The following TNR variants were observed in gnomAD, a reference collection of about 807,000 sequenced individuals.
TNR encodes the protein tenascin-R.
TNR carries 45 observed loss-of-function variants against 150.4 expected under a neutral mutation model. The ratio of observed to expected loss-of-function variants is 0.30; its 90% CI spans 0.24 to 0.38. TNR has a LOEUF of 0.38. Among genes scored for constraint, TNR ranks in the 10% least tolerant of loss-of-function variants. The pLI, the probability that TNR is intolerant of heterozygous loss-of-function variation, is 1.00. For missense variants in TNR, 1,544 were observed against 1,759.1 expected (o/e 0.88, Z 2.19); for synonymous variants, 687 against 678.4 (o/e 1.01, Z -0.20).
At chr1:175,523,327 T>A (rs860900) in intron 2 of TNR, among the ~76,000 whole-genome samples, 11,427 of 152,290 alleles carry the variant, frequency 0.075, 1,083 homozygotes, top group African/African-American at 0.22. Context: ...TACACAATTA[T>A]GCAAATGATG....
chr1:175,378,011 G>C (rs1018393810), intron 9 of TNR, among the ~76,000 whole-genome samples: 1 of 152,092 alleles, frequency 6.6e-6, no homozygotes, highest in Non-Finnish European at 1.5e-5. Flanking sequence ...AGGGGACAGG[G>C]AACACTTCCC....
intron 1 of TNR, among the ~76,000 whole-genome samples, chr1:175,545,861 T>C (rs923207666): frequency 7.9e-5 from 12 of 152,274 alleles, no homozygotes; most frequent in Admixed American, 7.8e-4. Flanking sequence ...CAGAAAGATT[T>C]TGAGCTATAA....
Position 175,354,458 on chromosome 1 carries a change from G to A in TNR, c.3315C>T (p.Tyr1105=), listed in dbSNP as rs35460270. ...RLEGLLENTD[Y]TVLLQAAQDT... ...CCTGTGCTGCCTGCAGGAGCACCGT[G>A]TAGTCTGTGTTCTCCAACAGGCCCT... The change falls in exon 18 of 23, where the codon TAC becomes TAT. Residue 1105 remains tyrosine (Y), a synonymous_variant. Coordinates refer to ENST00000367674, the MANE Select transcript of TNR (RefSeq NM_003285.3). 2,099 of 1,614,114 alleles carry A rather than the reference G, an allele frequency of 1.3e-3. 31 individuals carry two copies. In the African/African-American group the frequency reaches 0.024, roughly 18 times the overall value.
Position 175,449,046 on chromosome 1 carries a change from C to T in TNR, c.-63-42269G>A, listed in dbSNP as rs148995707. ...AAGTATCAGCCTACCGGCATTGCCA[C>T]CTGCGGACACATTTACATGGTAATA... is the stretch of plus-strand genomic sequence containing the variant. On this transcript the variant is annotated intron_variant, in intron 2 of 22. Coordinates refer to ENST00000367674, the MANE Select transcript of TNR (RefSeq NM_003285.3). Among the ~76,000 whole-genome samples the T allele has an allele frequency of 4.5e-3, 678 of 152,304 alleles. 3 individuals are homozygous for T. The highest frequency in any genetic ancestry group is 7.4e-3 in the Non-Finnish European group (506 of 68,028).
chr1:175,650,477 A>G (rs1245920784), intron 1 of TNR, among the ~76,000 whole-genome samples: 2 of 151,902 alleles, frequency 1.3e-5, no homozygotes, highest in African/African-American at 2.4e-5. Context: ...TGAGACTTCA[A>G]TGCCTGTATT....
intron 1 of TNR, among the ~76,000 whole-genome samples, chr1:175,621,587 G>T (rs1336361069): frequency 1.3e-5 from 2 of 152,090 alleles, no homozygotes; most frequent in African/African-American, 4.8e-5. Context: ...TATCTCATAG[G>T]GTTGTTGTAT....
At chr1:175,701,722 T>C (rs570686375) in intron 1 of TNR, among the ~76,000 whole-genome samples, 11 of 152,296 alleles carry the variant, frequency 7.2e-5, no homozygotes, top group African/African-American at 2.6e-4. Flanking sequence ...AATTCCAGCA[T>C]TGGGTGAGAG....
chr1:175,718,040 G>A (rs1667200664), intron 1 of TNR, among the ~76,000 whole-genome samples: 1 of 152,204 alleles, frequency 6.6e-6, no homozygotes, highest in Non-Finnish European at 1.5e-5. Context: ...TACCAAAGAT[G>A]CCTACTGTCA....
At chr1:175,408,454 A>G (rs1181241175) in intron 2 of TNR, among the ~76,000 whole-genome samples, 1 of 152,232 alleles carries the variant, frequency 6.6e-6, no homozygotes, top group African/African-American at 2.4e-5. Flanking sequence ...ATTAGTGCCT[A>G]GTATAAAATC....
At chr1:175,419,575 G>A (rs1240996925) in intron 2 of TNR, among the ~76,000 whole-genome samples, 2 of 152,010 alleles carry the variant, frequency 1.3e-5, no homozygotes, top group African/African-American at 2.4e-5. Context: ...TCCGCCTCCC[G>A]GGTTCAAGCA....
chr1:175,405,090 C>A (rs1427586672), intron 3 of TNR, among the ~76,000 whole-genome samples: 1 of 152,162 alleles, frequency 6.6e-6, no homozygotes, highest in African/African-American at 2.4e-5. Context: ...ATCATGGATC[C>A]TATAGAGGTG....
intron 2 of TNR, among the ~76,000 whole-genome samples, chr1:175,419,351 G>T (rs1442692050): frequency 6.6e-6 from 1 of 152,140 alleles, no homozygotes; most frequent in African/African-American, 2.4e-5. Context: ...TTCTGACAGC[G>T]TAAGAATACA....
chr1:175,485,500 A>T (rs1181832313), intron 2 of TNR, among the ~76,000 whole-genome samples: 5 of 152,168 alleles, frequency 3.3e-5, no homozygotes, highest in African/African-American at 1.2e-4. Flanking sequence ...GAGAACTTAC[A>T]TCCAATTTCA....
intron 2 of TNR, among the ~76,000 whole-genome samples, chr1:175,417,698 T>C (rs1024621928): frequency 6.6e-6 from 1 of 152,150 alleles, no homozygotes; most frequent in Non-Finnish European, 1.5e-5. Flanking sequence ...TTAGGAATAG[T>C]CACCTTTGAA....
rs1398208971 is a variant in TNR at position 175,630,644 on chromosome 1, T to C, written c.-164-102275A>G. Among the ~76,000 whole-genome samples, 3 of 152,214 alleles carry C rather than the reference T, an allele frequency of 2.0e-5. No individual in the cohort carries two copies. The East Asian group carries it at 5.8e-4, about 29-fold the overall frequency. On this transcript the variant is annotated intron_variant, in intron 1 of 22. Coordinates refer to ENST00000367674, the MANE Select transcript of TNR (RefSeq NM_003285.3). Reference sequence around the variant, plus strand: ...GGAGGGTTTTGGCCTCTGTTTCAAATATACTTCTTCAGGTGTTTAGGAGAA... The same window carrying C: ...GGAGGGTTTTGGCCTCTGTTTCAAACATACTTCTTCAGGTGTTTAGGAGAA...
chr1:175,671,911 C>CTGTGTGTATGTG (rs376597060), intron 1 of TNR, among the ~76,000 whole-genome samples: 61 of 142,138 alleles, frequency 4.3e-4, no homozygotes, highest in Admixed American at 1.9e-3. Flanking sequence ...TGAGCTGTAC[C>CTGTGTGTATGTG]TGTGTGTGTG....
At chr1:175,373,503 C>T (rs961810675) in intron 9 of TNR, among the ~76,000 whole-genome samples, 1 of 152,136 alleles carries the variant, frequency 6.6e-6, no homozygotes, top group Admixed American at 6.6e-5. Context: ...AGGCCATCTC[C>T]CTGCTTTTTT....
chr1:175,710,260 C>T (rs992932987), intron 1 of TNR, among the ~76,000 whole-genome samples: 12 of 151,872 alleles, frequency 7.9e-5, no homozygotes, highest in Non-Finnish European at 1.3e-4. Flanking sequence ...ATGGGGAGTG[C>T]GTAGACATGG....
intron 18 of TNR, among the ~76,000 whole-genome samples, chr1:175,346,965 G>A (rs1650821188): frequency 6.6e-6 from 1 of 151,330 alleles, no homozygotes; most frequent in African/African-American, 2.4e-5. Flanking sequence ...TCTTTTTAGA[G>A]TGAGATTAGT....
Sources: gnomAD v4.1 joint callset for allele counts (sites outside exome capture counted in the v4.1 genomes callset) on GRCh38, gnomAD v4.1.1 for gene constraint, MANE v1.5 for transcripts, NCBI Gene and HGNC (gene_info 2026-07-23, HGNC 2026-07-21) for gene names.